CHPT1: variants seen among roughly 807,000 people sequenced by gnomAD.
CHPT1 encodes the protein choline phosphotransferase 1.
Under a neutral mutation model 47.6 loss-of-function variants are expected in CHPT1, and 36 were observed. The ratio of observed to expected loss-of-function variants is 0.76; its 90% CI spans 0.58 to 1.00. CHPT1 has a LOEUF of 1.00. CHPT1 is among the 50% of genes least tolerant of loss of function. CHPT1 has a pLI of 0.00. For missense variants in CHPT1, 458 were observed against 498.1 expected, an observed-to-expected ratio of 0.92 and a Z score of 0.77; for synonymous variants, 194 against 186.3, an observed-to-expected ratio of 1.04 and a Z score of -0.33.
chr12:101,703,179 C>A (rs941363108), intron 1 of CHPT1, among the ~76,000 whole-genome samples: 1 of 152,116 alleles, frequency 6.6e-6, no homozygotes. Flanking sequence ...TTGGGTTTTG[C>A]GAAGTTGAAG....
At chr12:101,709,496 G>A (rs944512749) in intron 1 of CHPT1, among the ~76,000 whole-genome samples, 34 of 148,062 alleles carry the variant, frequency 2.3e-4, no homozygotes, top group African/African-American at 8.3e-4. Context: ...ATCCCAGCCT[G>A]TTTGCAGGGA....
At chr12:101,720,086 C>G (rs781180279) in intron 4 of CHPT1, 37 bp from the exon 5 acceptor site, 1 of 1,496,726 alleles carries the variant, frequency 6.7e-7, no homozygotes, top group African/African-American at 1.4e-5. Context: ...AACCAAAATT[C>G]TGTTGTCTTA....
intron 5 of CHPT1, among the ~76,000 whole-genome samples, chr12:101,722,379 T>C (rs1951863769): frequency 6.6e-6 from 1 of 152,176 alleles, no homozygotes; most frequent in Non-Finnish European, 1.5e-5. Context: ...TTAAATTGGT[T>C]ATAGATTTAA....
intron 5 of CHPT1, among the ~76,000 whole-genome samples, chr12:101,722,180 A>G (rs1951860556): frequency 6.6e-6 from 1 of 152,108 alleles, no homozygotes; most frequent in South Asian, 2.1e-4. Context: ...CTTTTTTAGG[A>G]GCAGATTTTT....
At position 101,719,157 on chromosome 12, in the gene CHPT1, A is replaced by AAG. The variant is rs1382284107; in HGVS notation, c.649-965_649-964insGA. ...TGGGCGACAAGAGACTCGTCTCAAG[A>AAG]AAAAAAAAAAAAAAAAAAAAGAAGG... is the stretch of plus-strand genomic sequence containing the variant. On this transcript the variant is annotated intron_variant, in intron 4 of 8. Coordinates refer to ENST00000229266, the MANE Select transcript of CHPT1 (RefSeq NM_020244.3). Among the ~76,000 whole-genome samples the AAG allele has an allele frequency of 1.1e-4, 3 of 27,658 alleles. No homozygotes were observed. The East Asian group carries it at 0.015, about 138-fold the overall frequency. 18.1% of individuals were successfully genotyped at this position (27,658 alleles called of 152,430 possible). A position where few individuals can be genotyped will look rare whatever the true frequency, so the allele number is the denominator to read the frequency against.
At chr12:101,722,986 T>C (rs1471416395) in intron 5 of CHPT1, among the ~76,000 whole-genome samples, 182 bp from the exon 6 acceptor site, 3 of 152,218 alleles carry the variant, frequency 2.0e-5, no homozygotes, top group Non-Finnish European at 4.4e-5. Context: ...ATTATGTCTC[T>C]GTCACCCTCA....
At chr12:101,717,950 G>A (rs1308577742) in intron 4 of CHPT1, among the ~76,000 whole-genome samples, 2 of 152,288 alleles carry the variant, frequency 1.3e-5, no homozygotes, top group South Asian at 2.1e-4. Flanking sequence ...GAAGTTATGC[G>A]AGGAACTTAT....
intron 4 of CHPT1, among the ~76,000 whole-genome samples, chr12:101,718,422 T>G (rs1951796655): frequency 6.6e-6 from 1 of 152,072 alleles, no homozygotes; most frequent in Admixed American, 6.6e-5. Context: ...AAAAATTAAG[T>G]CCATTAAAAA....
In CHPT1 at chr12:101,701,364, A is replaced by G. The variant is rs145126738; in HGVS notation, c.273+3230A>G. Among the ~76,000 whole-genome samples the G allele has an allele frequency of 5.9e-5, 9 of 152,332 alleles. No individual in the cohort carries two copies. In the East Asian group the frequency reaches 1.2e-3, roughly 20 times the overall value. ...TCCTAAGTCAAATCAACCACTCTGA[A>G]TTCCCATGATAATGACAATAACTAA... On this transcript the variant is annotated intron_variant, in intron 1 of 8. Coordinates refer to ENST00000229266, the MANE Select transcript of CHPT1 (RefSeq NM_020244.3).
At chr12:101,726,185 G>T in intron 7 of CHPT1, 109 bp from the exon 8 acceptor site, 2 of 703,268 alleles carry the variant, frequency 2.8e-6, no homozygotes, top group Non-Finnish European at 2.4e-6. Context: ...TAGTATTTTT[G>T]GTGAAGAATT....
intron 5 of CHPT1, among the ~76,000 whole-genome samples, chr12:101,721,929 G>A (rs945945709): frequency 1.3e-5 from 2 of 151,894 alleles, no homozygotes; most frequent in Non-Finnish European, 2.9e-5. Context: ...CTTAGTGGCG[G>A]GCACCTGTAA....
rs149385670 is a variant in CHPT1 at position 101,716,792 on chromosome 12, G to C, written c.628G>C (p.Ala210Pro). 3.6e-5 allele frequency: 57 copies of C among 1,603,146 alleles called. No homozygotes were observed. Among genetic ancestry groups the C allele is most frequent in the Non-Finnish European group, 4.5e-5 (53 of 1,173,504 alleles). ...IVFVLSAFGG[A>P]TMWDYTIPIL... ...CTTTGTGTTGTCTGCATTTGGAGGA[G>C]CAACAATGTGGGACTATACGGTAAA... The change falls in exon 4 of 9, where the codon GCA becomes CCA. Residue 210 changes from alanine to proline, a missense_variant. Physicochemically the swap from Ala to Pro is conservative, Grantham distance 27. Coordinates refer to ENST00000229266, the MANE Select transcript of CHPT1 (RefSeq NM_020244.3).
rs77099562 is a variant in CHPT1, at chr12:101,706,762, A to G, written c.274-7328A>G. 9.8e-3 allele frequency among the ~76,000 whole-genome samples: 1,490 copies of G among 152,358 alleles called. 25 individuals carry two copies. The highest frequency in any genetic ancestry group is 0.034 in the African/African-American group (1,433 of 41,570). On this transcript the variant is annotated intron_variant, in intron 1 of 8. Transcript: ENST00000229266. ...GAAAAAATGGGAGGCTATAATTATG[A>G]AACAATTAATGACTTATGTGGAATT...
chr12:101,720,348 T>C, intron 5 of CHPT1, 94 bp downstream of exon 5: 2 of 1,085,948 alleles, frequency 1.8e-6, no homozygotes, highest in South Asian at 2.9e-5. Context: ...AGTTCAAGAA[T>C]GGGGAAGGAA....
chr12:101,714,333 G>A (rs1951734208), intron 2 of CHPT1, 96 bp downstream of exon 2: 49 of 1,202,142 alleles, frequency 4.1e-5, no homozygotes, highest in Non-Finnish European at 5.7e-5. Flanking sequence ...ACATTTGGGA[G>A]CAAATGTATG....
intron 6 of CHPT1, 137 bp from the exon 7 acceptor site, chr12:101,723,585 A>T (rs577799309): frequency 4.7e-5 from 30 of 635,048 alleles, no homozygotes; most frequent in African/African-American, 4.0e-4. Flanking sequence ...GAATTTGAGA[A>T]GGTGTAGAAA....
At chr12:101,699,993 A>G (rs1002005192) in intron 1 of CHPT1, among the ~76,000 whole-genome samples, 1 of 152,252 alleles carries the variant, frequency 6.6e-6, no homozygotes, top group Non-Finnish European at 1.5e-5. Flanking sequence ...ATGCAGATAA[A>G]TGTAAAAGAT....
At chr12:101,718,664 T>TAA (rs869226936) in intron 4 of CHPT1, among the ~76,000 whole-genome samples, 9 of 129,038 alleles carry the variant, frequency 7.0e-5, no homozygotes, top group South Asian at 2.5e-4. Flanking sequence ...ACCCCATCTT[T>TAA]AAAAAAAAAA....
At chr12:101,701,055 C>G (rs1248666215) in intron 1 of CHPT1, among the ~76,000 whole-genome samples, 2 of 152,250 alleles carry the variant, frequency 1.3e-5, no homozygotes, top group East Asian at 3.9e-4. Flanking sequence ...CGTTTTTAAG[C>G]ATGATGCTAA....
Sources: gnomAD v4.1 joint callset for allele counts (sites outside exome capture counted in the v4.1 genomes callset) on GRCh38, gnomAD v4.1.1 for gene constraint, MANE v1.5 for transcripts, NCBI Gene and HGNC (gene_info 2026-07-23, HGNC 2026-07-21) for gene names.